GRID2: variants seen among roughly 807,000 people sequenced by gnomAD.
GRID2 encodes the protein glutamate receptor ionotropic, delta-2.
Under a neutral mutation model 114.8 loss-of-function variants are expected in GRID2, and 33 were observed. The observed-to-expected ratio is 0.29, with a 90% confidence interval of 0.22 to 0.38. The LOEUF is 0.38. GRID2 is among the 10% of genes least tolerant of loss of function. The pLI is 1.00. For missense variants in GRID2, 1,184 were observed against 1,257.7 expected, an observed-to-expected ratio of 0.94 and a Z score of 0.89; for synonymous variants, 505 against 449.9, an observed-to-expected ratio of 1.12 and a Z score of -1.55.
chr4:92,485,434 TCA>T (rs1722838414), intron 1 of GRID2, among the ~76,000 whole-genome samples: 1 of 148,660 alleles, frequency 6.7e-6, no homozygotes, highest in Admixed American at 6.8e-5. Context: ...TCCTGGTGAC[TCA>T]CACCTGTAAT....
intron 2 of GRID2, among the ~76,000 whole-genome samples, chr4:93,049,357 C>G (rs1169898971): frequency 2.0e-5 from 3 of 151,930 alleles, no homozygotes; most frequent in African/African-American, 4.8e-5. Context: ...CACGCAGATT[C>G]AGTTATGTCC....
chr4:92,664,044 C>A (rs1732651167), intron 2 of GRID2, among the ~76,000 whole-genome samples: 1 of 150,824 alleles, frequency 6.6e-6, no homozygotes, highest in Non-Finnish European at 1.5e-5. Flanking sequence ...TATTTCCTTC[C>A]TTCTTCTACC....
chr4:92,781,133 C>G (rs1645265412), intron 2 of GRID2, among the ~76,000 whole-genome samples: 3 of 151,940 alleles, frequency 2.0e-5, no homozygotes, highest in Admixed American at 6.6e-5. Flanking sequence ...TTAGTCCCAG[C>G]TACTTGGGAG....
intron 2 of GRID2, among the ~76,000 whole-genome samples, chr4:92,857,557 A>G (rs914924518): frequency 1.3e-5 from 2 of 152,204 alleles, no homozygotes; most frequent in African/African-American, 2.4e-5. Flanking sequence ...CTTCAATTTT[A>G]TGAATGTGAA....
intron 2 of GRID2, among the ~76,000 whole-genome samples, chr4:92,924,908 T>C (rs79811457): frequency 6.6e-6 from 1 of 152,120 alleles, no homozygotes; most frequent in African/African-American, 2.4e-5. Flanking sequence ...GAGATAATAT[T>C]ACAAACTCTT....
rs1449363937 is a variant in GRID2, at chr4:93,216,916, A to G, written c.963+5A>G. The G allele has an allele frequency of 6.3e-7, 1 of 1,595,636 alleles. No individual in the cohort carries two copies. Reference sequence around the variant, plus strand: ...CCATTTGCTCAGAATATGGAGGTATATTATAAATGACAGGATATTTCTTCC... The same window carrying G: ...CCATTTGCTCAGAATATGGAGGTATGTTATAAATGACAGGATATTTCTTCC... On this transcript the variant is annotated splice_donor_5th_base_variant and intron_variant, in intron 6 of 15. Transcript: ENST00000282020.
chr4:93,289,416 G>A lies in GRID2; in HGVS notation c.1245+50926G>A, dbSNP rs1753506855. On this transcript the variant is annotated intron_variant, in intron 8 of 15. Coordinates refer to ENST00000282020, the MANE Select transcript of GRID2 (RefSeq NM_001510.4). Reference sequence around the variant, plus strand: ...TGTTTATTGGAATGCATTAGGGCATGTGGCAAATCCAGACCTTATCGGGAT... The same window carrying A: ...TGTTTATTGGAATGCATTAGGGCATATGGCAAATCCAGACCTTATCGGGAT... Among the ~76,000 whole-genome samples the A allele has an allele frequency of 3.3e-5, 5 of 152,222 alleles. No homozygotes were observed. In the South Asian group the frequency reaches 8.3e-4, roughly 25 times the overall value.
intron 13 of GRID2, among the ~76,000 whole-genome samples, chr4:93,553,252 T>G (rs1345413094): frequency 6.6e-6 from 1 of 152,210 alleles, no homozygotes; most frequent in East Asian, 1.9e-4. Flanking sequence ...ACCAACAGTG[T>G]AAAAGCACTC....
chr4:93,267,700 C>G (rs1751007481), intron 8 of GRID2, among the ~76,000 whole-genome samples: 1 of 152,190 alleles, frequency 6.6e-6, no homozygotes. Context: ...AAGCACACAA[C>G]TTGAGGGCCC....
chr4:93,178,796 G>A (rs1739616024), intron 4 of GRID2, among the ~76,000 whole-genome samples: 1 of 142,814 alleles, frequency 7.0e-6, no homozygotes, highest in Non-Finnish European at 1.5e-5. Context: ...AAATCTTTAT[G>A]TTCTTAACTG....
intron 2 of GRID2, among the ~76,000 whole-genome samples, chr4:92,990,206 G>C (rs1281876853): frequency 3.9e-4 from 8 of 20,346 alleles, no homozygotes; most frequent in African/African-American, 3.8e-3. Flanking sequence ...TTCTGTGTGT[G>C]TGTGTGTGTG....
chr4:93,720,141 C>A (rs1280788692), intron 14 of GRID2, among the ~76,000 whole-genome samples: 1 of 151,792 alleles, frequency 6.6e-6, no homozygotes, highest in African/African-American at 2.4e-5. Context: ...AGAGTGAGAG[C>A]CCCCAAAAAA....
chr4:93,607,065 T>C (rs2149653258), intron 13 of GRID2, among the ~76,000 whole-genome samples: 2 of 152,224 alleles, frequency 1.3e-5, no homozygotes, highest in East Asian at 3.9e-4. Flanking sequence ...AATGCATAAA[T>C]GTAACTACAC....
intron 1 of GRID2, among the ~76,000 whole-genome samples, chr4:92,411,655 G>GTATATATATA (rs70940887): frequency 3.3e-4 from 28 of 84,694 alleles, no homozygotes; most frequent in Middle Eastern, 6.5e-3. Flanking sequence ...GTGTGTGTGT[G>GTATATATATA]TATATATATA....
At chr4:92,970,327 A>G (rs966156016) in intron 2 of GRID2, among the ~76,000 whole-genome samples, 16 of 151,932 alleles carry the variant, frequency 1.1e-4, no homozygotes, top group Admixed American at 2.6e-4. Flanking sequence ...TTCAATCACC[A>G]AAGCAAAACA....
chr4:92,336,492 A>G lies in GRID2; in HGVS notation c.88+31748A>G, dbSNP rs183314911. Among the ~76,000 whole-genome samples the G allele has an allele frequency of 5.7e-3, 875 of 152,278 alleles. 4 individuals carry two copies. The highest frequency in any genetic ancestry group is 0.01 in the Non-Finnish European group (705 of 68,018). ...TTCCTCCACATTTCTGTACTATTCC[A>G]TAGCCAGAGTTCCCATCATCTCTGA... On this transcript the variant is annotated intron_variant, in intron 1 of 15. Coordinates refer to ENST00000282020, the MANE Select transcript of GRID2 (RefSeq NM_001510.4).
At chr4:93,176,937 G>A (rs1739397244) in intron 4 of GRID2, among the ~76,000 whole-genome samples, 1 of 152,176 alleles carries the variant, frequency 6.6e-6, no homozygotes, top group South Asian at 2.1e-4. Flanking sequence ...AGGGAGAGGA[G>A]CCTCCTAAAT....
At chr4:93,478,004 T>C (rs182108510) in intron 11 of GRID2, among the ~76,000 whole-genome samples, 9 of 152,234 alleles carry the variant, frequency 5.9e-5, no homozygotes, top group Non-Finnish European at 1.2e-4. Context: ...TACCTCAGTA[T>C]TTTTTACTGT....
chr4:93,759,696 A>G (rs1198924527), intron 14 of GRID2, among the ~76,000 whole-genome samples: 1 of 152,224 alleles, frequency 6.6e-6, no homozygotes, highest in Admixed American at 6.5e-5. Flanking sequence ...GTGCCCCATG[A>G]TAATGAATTC....
Sources: allele counts gnomAD v4.1 joint callset (sites outside exome capture counted in the v4.1 genomes callset), GRCh38; gene constraint gnomAD v4.1.1; transcripts MANE v1.5; gene names NCBI Gene and HGNC (gene_info 2026-07-23, HGNC 2026-07-21).